RBL1: variants seen among roughly 807,000 people sequenced by gnomAD.
RBL1 encodes the protein RB transcriptional corepressor like 1.
RBL1 carries 82 observed loss-of-function variants against 123.0 expected under a neutral mutation model. The ratio of observed to expected loss-of-function variants is 0.67; its 90% CI spans 0.56 to 0.80. The LOEUF (loss-of-function observed/expected upper bound fraction) is 0.80, where lower values mean the gene tolerates loss of function less well. Among genes scored for constraint, RBL1 ranks in the 30% least tolerant of loss-of-function variants. The probability of loss-of-function intolerance (pLI) is 0.00; values close to 1 mark genes in which losing one functional copy is unlikely to be tolerated. For missense variants in RBL1, 1,171 were observed against 1,299.6 expected (o/e 0.90, Z 1.52); for synonymous variants, 405 against 441.3 (o/e 0.92, Z 1.03).
At position 37,095,820 on chromosome 20, in the gene RBL1, C is replaced by T. The variant is rs376813724; in HGVS notation, c.109G>A (p.Glu37Lys). 1.2e-6 allele frequency: 2 copies of T among 1,609,534 alleles called. No individual in the cohort carries two copies. The highest frequency in any genetic ancestry group is 1.3e-5 in the African/African-American group (1 of 74,994). The change falls in exon 1 of 22, where the codon GAA (glutamate) becomes AAA (lysine). Residue 37 changes from glutamate to lysine, a missense_variant. Physicochemically the swap from Glu to Lys is moderately conservative, Grantham distance 56. Coordinates refer to ENST00000373664, the MANE Select transcript of RBL1 (RefSeq NM_002895.5). Reference protein sequence around the residue: ...ELNLDEGSAAEALDDFTAIRG... With the variant: ...ELNLDEGSAAKALDDFTAIRG... ...ATGGCAGTAAAGTCGTCCAGGGCTT[C>T]GGCCGCGCTCCCCTCGTCCAGGTTC... is the stretch of plus-strand genomic sequence containing the variant.
chr20:37,093,264 T>C (rs1018630013), intron 1 of RBL1, among the ~76,000 whole-genome samples: 26 of 151,936 alleles, frequency 1.7e-4, no homozygotes, highest in Admixed American at 2.0e-4. Context: ...CAAATACCTT[T>C]AAAAAATTGA....
chr20:37,044,483 A>G (rs559344353), intron 12 of RBL1, among the ~76,000 whole-genome samples: 189 of 152,122 alleles, frequency 1.2e-3, no homozygotes, highest in African/African-American at 4.4e-3. Context: ...GATTACAGGC[A>G]CCTGCCACCA....
chr20:37,043,185 C>CACACACAA (rs1460142165), intron 13 of RBL1, among the ~76,000 whole-genome samples: 1 of 151,042 alleles, frequency 6.6e-6, no homozygotes, highest in Admixed American at 6.6e-5. Context: ...CACACACACA[C>CACACACAA]AATTAGCCGG....
chr20:37,000,335 C>T (rs1314214576), intron 21 of RBL1, among the ~76,000 whole-genome samples: 2 of 150,380 alleles, frequency 1.3e-5, no homozygotes, highest in African/African-American at 2.5e-5. Context: ...GTCAGCCCCC[C>T]ACCCGGCCAG....
chr20:37,068,986 T>C (rs1044449170), intron 2 of RBL1, among the ~76,000 whole-genome samples: 8 of 152,240 alleles, frequency 5.3e-5, no homozygotes, highest in Non-Finnish European at 8.8e-5. Flanking sequence ...GTGCCTGCGA[T>C]TGCAGGCTCG....
In RBL1 at chr20:37,007,564, T is replaced by G; in HGVS notation, c.2723-5A>C. The G allele has an allele frequency of 3.1e-6, 5 of 1,609,366 alleles. No individual in the cohort carries two copies. Among genetic ancestry groups the G allele is most frequent in the Non-Finnish European group, 4.2e-6 (5 of 1,178,886 alleles). On this transcript the variant is annotated splice_polypyrimidine_tract_variant and splice_region_variant and intron_variant, in intron 19 of 21. Coordinates refer to ENST00000373664, the MANE Select transcript of RBL1 (RefSeq NM_002895.5). ...TTTTTGTAGCATCTTCTAAGTCTGTTAAAAAGAATGCAATGTTGTGATACA... is the reference window on the plus strand; with the variant it reads ...TTTTTGTAGCATCTTCTAAGTCTGTGAAAAAGAATGCAATGTTGTGATACA...
In RBL1 at chr20:37,022,663, TA is replaced by T; in HGVS notation, c.2545del (p.Tyr849IlefsTer6). Reference sequence around the variant, plus strand: ...TTTATACATTACCTTTGCCATGATATAAAAGGCACAAAGGAGGAGCTGATCC... The same window carrying T: ...TTTATACATTACCTTTGCCATGATATAAAGGCACAAAGGAGGAGCTGATCC... The part of the protein sequence containing the change: ...HLDQLLLCAF[Y>X]IMAKVTKEER... On this transcript the variant is annotated frameshift_variant, in exon 17 of 22. Coordinates refer to ENST00000373664, the MANE Select transcript of RBL1 (RefSeq NM_002895.5). LOFTEE classifies it high-confidence loss of function. 6.2e-7 allele frequency: 1 copy of T among 1,610,690 alleles called. No homozygotes were observed. The highest frequency in any genetic ancestry group is 8.5e-7 in the Non-Finnish European group (1 of 1,178,314).
rs73093204 is a variant in RBL1 at position 37,003,737 on chromosome 20, C to A, written c.3001G>T (p.Ala1001Ser). The stretch of plus-strand genomic sequence containing the variant: ...CTGCCATTGAACTTGTACAGCAGAG[C>A]GCTTCTTGGTGTAAGGCCTGACCCA... ...KNGSGLTPRSALLYKFNGSPS... is the reference protein window; with the variant it reads ...KNGSGLTPRSSLLYKFNGSPS... Residue 1001 changes from alanine (A) to serine (S), a missense_variant, in exon 21 of 22, where the codon GCT (alanine) becomes TCT (serine). Transcript: ENST00000373664. 8 of 1,613,334 alleles carry A rather than the reference C, an allele frequency of 5.0e-6. No homozygotes were observed. In the East Asian group the frequency reaches 1.3e-4, roughly 27 times the overall value.
At chr20:37,036,420 G>A (rs1008609221) in intron 14 of RBL1, among the ~76,000 whole-genome samples, 1 of 151,926 alleles carries the variant, frequency 6.6e-6, no homozygotes. Flanking sequence ...TGGGACTACA[G>A]GCATGTGCCA....
intron 13 of RBL1, among the ~76,000 whole-genome samples, chr20:37,042,368 G>GA (rs2064743881): frequency 6.6e-6 from 1 of 152,066 alleles, no homozygotes; most frequent in Non-Finnish European, 1.5e-5. Context: ...AGAATGGCAG[G>GA]ATTAAAAAGG....
At chr20:37,054,454 A>C (rs1187279351) in intron 11 of RBL1, among the ~76,000 whole-genome samples, 7 of 152,162 alleles carry the variant, frequency 4.6e-5, no homozygotes, top group Non-Finnish European at 8.8e-5. Flanking sequence ...ACTGCACTCC[A>C]GCCTGGGTGA....
intron 13 of RBL1, among the ~76,000 whole-genome samples, chr20:37,042,726 G>A (rs2064748271): frequency 6.6e-6 from 1 of 151,734 alleles, no homozygotes; most frequent in East Asian, 1.9e-4. Flanking sequence ...AACATAGGGA[G>A]ATCCCATCTC....
chr20:37,071,671 C>T (rs539788827), intron 2 of RBL1, among the ~76,000 whole-genome samples: 2 of 152,212 alleles, frequency 1.3e-5, no homozygotes, highest in East Asian at 1.9e-4. Flanking sequence ...AGAAACGTGA[C>T]CTCCAATGTT....
At chr20:37,091,070 C>T (rs894513861) in intron 1 of RBL1, among the ~76,000 whole-genome samples, 4 of 152,098 alleles carry the variant, frequency 2.6e-5, no homozygotes, top group South Asian at 2.1e-4. Context: ...TTAAGAATTA[C>T]GGATAGGCCG....
chr20:37,017,592 G>A (rs546266166), intron 19 of RBL1, among the ~76,000 whole-genome samples: 1 of 147,242 alleles, frequency 6.8e-6, no homozygotes, highest in Non-Finnish European at 1.5e-5. Context: ...TTACCTATAA[G>A]TAATACTTAT....
intron 7 of RBL1, among the ~76,000 whole-genome samples, chr20:37,063,897 A>G (rs1277781332): frequency 2.6e-5 from 4 of 151,032 alleles, no homozygotes; most frequent in Non-Finnish European, 1.5e-5. Context: ...ATCATGGCTC[A>G]CTGCAACCTC....
At chr20:37,033,754 G>A (rs2064555083) in intron 15 of RBL1, among the ~76,000 whole-genome samples, 1 of 151,440 alleles carries the variant, frequency 6.6e-6, no homozygotes, top group African/African-American at 2.4e-5. Context: ...TGGGACTACA[G>A]GCATGCGCCA....
At chr20:37,053,834 C>T (rs1434975909) in intron 11 of RBL1, among the ~76,000 whole-genome samples, 1 of 152,114 alleles carries the variant, frequency 6.6e-6, no homozygotes, top group South Asian at 2.1e-4. Flanking sequence ...CATGATAAAA[C>T]ATATCCTGGG....
intron 11 of RBL1, among the ~76,000 whole-genome samples, chr20:37,047,581 AAAAG>A (rs1178675094): frequency 6.6e-6 from 1 of 152,250 alleles, no homozygotes. Flanking sequence ...ACTGTTCAGA[AAAAG>A]AAATACTTCA....
Sources: gnomAD v4.1 joint callset for allele counts (sites outside exome capture counted in the v4.1 genomes callset) on GRCh38, gnomAD v4.1.1 for gene constraint, MANE v1.5 for transcripts, NCBI Gene and HGNC (gene_info 2026-07-23, HGNC 2026-07-21) for gene names.